Variants in TMEM177 observed in about 807,000 individuals in gnomAD.
TMEM177 encodes the protein transmembrane protein 177.
In TMEM177, 4 loss-of-function variants were observed where a neutral mutation model predicts 14.2. The ratio of observed to expected loss-of-function variants is 0.28; its 90% confidence interval spans 0.14 to 0.64. The LOEUF (loss-of-function observed/expected upper bound fraction) is 0.64, where lower values mean the gene tolerates loss of function less well. Among genes scored for constraint, TMEM177 ranks in the 30% least tolerant of loss-of-function variants. The pLI, the probability that TMEM177 is intolerant of heterozygous loss-of-function variation, is 0.82. For missense variants in TMEM177, 344 were observed against 405.2 expected, an observed-to-expected ratio of 0.85 and a Z score of 1.30; for synonymous variants, 179 against 174.5, an observed-to-expected ratio of 1.03 and a Z score of -0.20.
downstream of TMEM177, among the ~76,000 whole-genome samples, chr2:119,690,607 T>C (rs182514766): frequency 3.3e-5 from 5 of 152,086 alleles, no homozygotes; most frequent in Admixed American, 2.0e-4. Context: ...AGAGCCCACG[T>C]GGAGAGAGGG....
the TMEM177 span, among the ~76,000 whole-genome samples, chr2:119,713,073 C>CT: frequency 0.11 from 16,457 of 146,460 alleles, 1,041 homozygotes; most frequent in Middle Eastern, 0.18. Context: ...TAATGGTTTT[C>CT]TTTTTTTTTT....
chr2:119,723,273 C>T, the TMEM177 span, among the ~76,000 whole-genome samples: 3 of 152,192 alleles, frequency 2.0e-5, no homozygotes, highest in Non-Finnish European at 4.4e-5. Flanking sequence ...GACTTTACAT[C>T]AGGCTTTGTT....
downstream of TMEM177, among the ~76,000 whole-genome samples, chr2:119,685,026 C>T (rs1486493835): frequency 2.6e-5 from 4 of 152,188 alleles, no homozygotes; most frequent in Non-Finnish European, 4.4e-5. Context: ...CATTAGCACT[C>T]TGTCCTAGAT....
In TMEM177 at chr2:119,681,429, G is replaced by A. The variant is rs778499147; in HGVS notation, c.576G>A (p.Gly192=). The A allele has an allele frequency of 1.2e-6, 2 of 1,613,828 alleles. No individual in the cohort carries two copies. Among genetic ancestry groups the A allele is most frequent in the Non-Finnish European group, 8.5e-7 (1 of 1,180,038 alleles). Residue 192 remains glycine, a synonymous_variant, in exon 2 of 2, where the codon GGG becomes GGA. Coordinates refer to ENST00000272521, the MANE Select transcript of TMEM177 (RefSeq NM_030577.3). ...GCGTGGGTGCCAAGTACACCCTGGG[G>A]CTCCATGCAGGCCCCATGAATTTAC... The part of the protein sequence containing the change: ...ALGVGAKYTL[G]LHAGPMNLRA...
downstream of TMEM177, among the ~76,000 whole-genome samples, chr2:119,689,692 C>T (rs1689066078): frequency 6.6e-6 from 1 of 152,178 alleles, no homozygotes; most frequent in Non-Finnish European, 1.5e-5. Context: ...TTAACCACTC[C>T]ACCTTCACTT....
the TMEM177 span, among the ~76,000 whole-genome samples, chr2:119,713,709 T>G: frequency 6.6e-6 from 1 of 152,122 alleles, no homozygotes; most frequent in African/African-American, 2.4e-5. Context: ...TGGCTGGCAC[T>G]TGTAGTCCCA....
At position 119,681,526 on chromosome 2, in the gene TMEM177, C is replaced by T; in HGVS notation, c.673C>T (p.His225Tyr). 1 of 1,614,150 alleles carries T rather than the reference C, an allele frequency of 6.2e-7. No homozygotes were observed. Among genetic ancestry groups the T allele is most frequent in the East Asian group, 2.2e-5 (1 of 44,872 alleles). ...CGCCTTCTCCCAGGATTCTCTCACT[C>T]ATGCCGTGGAGTCCTGGCTGGACCG... ...AYAFSQDSLT[H>Y]AVESWLDRRT... is the part of the protein sequence containing the mutation. The change falls in exon 2 of 2, where the codon CAT (histidine) becomes TAT (tyrosine). Residue 225 changes from histidine (H) to tyrosine (Y), a missense_variant. Transcript: ENST00000272521.
intron 1 of TMEM177, 73 bp from the exon 2 acceptor site, chr2:119,680,759 G>A: frequency 1.6e-6 from 2 of 1,238,990 alleles, no homozygotes; most frequent in Non-Finnish European, 2.3e-6. Context: ...AAAAGGTGGT[G>A]TGGACCCTGG....
chr2:119,707,665 TGC>T, the TMEM177 span, among the ~76,000 whole-genome samples: 1 of 152,252 alleles, frequency 6.6e-6, no homozygotes, highest in Middle Eastern at 3.4e-3. Context: ...AGGGATGAGA[TGC>T]TAATGTGCAA....
downstream of TMEM177, among the ~76,000 whole-genome samples, chr2:119,690,471 C>T (rs567348859): frequency 6.6e-6 from 1 of 152,286 alleles, no homozygotes; most frequent in South Asian, 2.1e-4. Flanking sequence ...CCACCCCTAC[C>T]CCATACCTCT....
chr2:119,715,473 A>C, the TMEM177 span, among the ~76,000 whole-genome samples: 1 of 152,042 alleles, frequency 6.6e-6, no homozygotes, highest in African/African-American at 2.4e-5. Context: ...CAGTAACGGG[A>C]TTTGCATTCA....
At chr2:119,715,103 C>A in the TMEM177 span, among the ~76,000 whole-genome samples, 1 of 152,142 alleles carries the variant, frequency 6.6e-6, no homozygotes, top group African/African-American at 2.4e-5. Context: ...ACTGGGAAGG[C>A]CAGGTGTGGT....
the TMEM177 span, among the ~76,000 whole-genome samples, chr2:119,702,731 G>A: frequency 6.6e-6 from 1 of 152,228 alleles, no homozygotes; most frequent in Non-Finnish European, 1.5e-5. Context: ...GGTGGTTGGG[G>A]AGTGTGATTG....
At chr2:119,717,339 A>G in the TMEM177 span, among the ~76,000 whole-genome samples, 1 of 151,968 alleles carries the variant, frequency 6.6e-6, no homozygotes, top group African/African-American at 2.4e-5. Context: ...GGAAAAAAAA[A>G]AAAGAAAAAG....
At chr2:119,706,981 G>A in the TMEM177 span, among the ~76,000 whole-genome samples, 3 of 151,058 alleles carry the variant, frequency 2.0e-5, no homozygotes, top group Admixed American at 1.3e-4. Flanking sequence ...GTGTGATCTC[G>A]GCTCACTGCA....
At chr2:119,690,297 C>A (rs951421009), downstream of TMEM177, among the ~76,000 whole-genome samples, 1 of 152,068 alleles carries the variant, frequency 6.6e-6, no homozygotes, top group Non-Finnish European at 1.5e-5. Context: ...GCCTGCTTCC[C>A]CTTCACCTTC....
chr2:119,681,655 G>A lies in TMEM177; in HGVS notation c.802G>A (p.Gly268Arg), dbSNP rs774371651. The change falls in exon 2 of 2, where the codon GGG (glycine) becomes AGG (arginine). Residue 268 changes from glycine (G) to arginine (R), a missense_variant. Coordinates refer to ENST00000272521, the MANE Select transcript of TMEM177 (RefSeq NM_030577.3). ...CCTGCGCAGTCTCTTGGGCAAAGAC[G>A]GGGAGAAGCTGTATACACCCAGCGG... ...LALRSLLGKD[G>R]EKLYTPSGNI... 1 of 1,614,190 alleles carries A rather than the reference G, an allele frequency of 6.2e-7. No individual in the cohort carries two copies. The highest frequency in any genetic ancestry group is 8.5e-7 in the Non-Finnish European group (1 of 1,180,022).
chr2:119,723,384 C>A, the TMEM177 span, among the ~76,000 whole-genome samples: 2 of 152,198 alleles, frequency 1.3e-5, no homozygotes. Context: ...GTTGGCAATG[C>A]TAAGCTGAAC....
chr2:119,713,886 C>T, the TMEM177 span, among the ~76,000 whole-genome samples: 17 of 152,352 alleles, frequency 1.1e-4, no homozygotes, highest in East Asian at 2.7e-3. Context: ...CTGCTCTACC[C>T]TCCACACCAG....
Sources: gnomAD v4.1 joint callset for allele counts (sites outside exome capture counted in the v4.1 genomes callset) on GRCh38, gnomAD v4.1.1 for gene constraint, MANE v1.5 for transcripts, NCBI Gene and HGNC (gene_info 2026-07-23, HGNC 2026-07-21) for gene names.